The following PSMB7 variants were observed in gnomAD, a reference collection of about 807,000 sequenced individuals.
The protein encoded by PSMB7 is proteasome subunit beta type-7.
A neutral mutation model predicts 28.1 loss-of-function variants in PSMB7; 5 were observed. The ratio of observed to expected loss-of-function variants is 0.18; its 90% confidence interval spans 0.09 to 0.37. The LOEUF is 0.37. PSMB7 is among the 10% of genes least tolerant of loss of function. The pLI, the probability that PSMB7 is intolerant of heterozygous loss-of-function variation, is 1.00. For missense variants in PSMB7, 275 were observed against 346.2 expected (o/e 0.79, Z 1.63); for synonymous variants, 122 against 123.7 (o/e 0.99, Z 0.09).
At chr9:124,396,792 A>T in intron 5 of PSMB7, 2 of 471,364 alleles carry the variant, frequency 4.2e-6, no homozygotes, top group South Asian at 3.1e-5. Flanking sequence ...GCTAATAGCA[A>T]AAGATGGTCC....
At chr9:124,403,617 AT>A (rs1830934322) in intron 5 of PSMB7, among the ~76,000 whole-genome samples, 1 of 152,116 alleles carries the variant, frequency 6.6e-6, no homozygotes, top group Non-Finnish European at 1.5e-5. Flanking sequence ...AATAACTACT[AT>A]TTACAGGCCA....
At chr9:124,397,811 C>T (rs1830857275) in intron 5 of PSMB7, among the ~76,000 whole-genome samples, 1 of 152,148 alleles carries the variant, frequency 6.6e-6, no homozygotes. Context: ...TTAGGAGGAC[C>T]TTCTATTTTA....
At chr9:124,368,669 T>C (rs1473065167) in intron 6 of PSMB7, among the ~76,000 whole-genome samples, 1 of 152,250 alleles carries the variant, frequency 6.6e-6, no homozygotes, top group Non-Finnish European at 1.5e-5. Context: ...ATTGTAAATC[T>C]TAACTGAAAC....
At chr9:124,375,709 G>A (rs1369977307) in intron 6 of PSMB7, among the ~76,000 whole-genome samples, 1 of 152,194 alleles carries the variant, frequency 6.6e-6, no homozygotes, top group Non-Finnish European at 1.5e-5. Flanking sequence ...AGTTATCGAA[G>A]GTCGAGGTTT....
At chr9:124,405,295 A>T (rs1427642314) in intron 5 of PSMB7, 22 bp downstream of exon 5, 1 of 1,523,786 alleles carries the variant, frequency 6.6e-7, no homozygotes, top group South Asian at 1.1e-5. Context: ...ACTCTTAAAC[A>T]TCAGGAAAAC....
At position 124,414,915 on chromosome 9, in the gene PSMB7, T is replaced by A. The variant is rs183110081; in HGVS notation, c.83A>T (p.Asp28Val). Residue 28 changes from aspartate to valine, a missense_variant, in exon 2 of 8, where the codon GAT (aspartate) becomes GTT (valine). Around this residue, in one of 2 missense-constraint regions of PSMB7, gnomAD observed 62 missense variants for 43.9 expected, o/e 1.41. Coordinates refer to ENST00000259457, the MANE Select transcript of PSMB7 (RefSeq NM_002799.4). ...NCRRNAVLEADFAKRGYKLPK... is the reference protein window; with the variant it reads ...NCRRNAVLEAVFAKRGYKLPK... ...AAGCTTGTATCCCCTCTTTGCAAAA[T>A]CGGCTTCCAAGACGGCATTCCTAAG... 42 of 1,612,968 alleles carry A rather than the reference T, an allele frequency of 2.6e-5. No individual in the cohort carries two copies. In the East Asian group the frequency reaches 9.4e-4, roughly 36 times the overall value.
At chr9:124,381,589 A>C (rs1347175542) in intron 6 of PSMB7, among the ~76,000 whole-genome samples, 3 of 152,242 alleles carry the variant, frequency 2.0e-5, no homozygotes, top group African/African-American at 7.2e-5. Context: ...AAAGTTATCC[A>C]GGGCTTTTTG....
chr9:124,358,579 CGAG>C (rs1475054077), intron 6 of PSMB7, among the ~76,000 whole-genome samples: 6 of 152,314 alleles, frequency 3.9e-5, no homozygotes, highest in African/African-American at 1.2e-4. Flanking sequence ...GCCTCTTAGA[CGAG>C]GAGCTGGCAG....
Position 124,402,961 on chromosome 9 carries a change from G to T in PSMB7, c.511+2356C>A, listed in dbSNP as rs180905641. On this transcript the variant is annotated intron_variant, in intron 5 of 7. Coordinates refer to ENST00000259457, the MANE Select transcript of PSMB7 (RefSeq NM_002799.4). Reference sequence around the variant, plus strand: ...TGAACATCTGTTATATAAAAACCTTGTAAGAGGCTAGATAACAACACAATG... The same window carrying T: ...TGAACATCTGTTATATAAAAACCTTTTAAGAGGCTAGATAACAACACAATG... 1.0e-3 allele frequency among the ~76,000 whole-genome samples: 153 copies of T among 152,242 alleles called. 1 individual carries two copies. Among genetic ancestry groups the T allele is most frequent in the African/African-American group, 3.5e-3 (144 of 41,526 alleles).
intron 6 of PSMB7, among the ~76,000 whole-genome samples, chr9:124,368,008 A>T (rs1830523930): frequency 6.6e-6 from 1 of 152,256 alleles, no homozygotes; most frequent in South Asian, 2.1e-4. Context: ...GAAATTCAAC[A>T]TATTGCCATA....
At chr9:124,358,545 CCAGTGAAGGTGG>C (rs1830435834) in intron 6 of PSMB7, among the ~76,000 whole-genome samples, 1 of 152,202 alleles carries the variant, frequency 6.6e-6, no homozygotes, top group Non-Finnish European at 1.5e-5. Context: ...TTTCCACAAA[CCAGTGAAGGTGG>C]CAGCAAAGAA....
chr9:124,397,651 A>G (rs145319877), intron 5 of PSMB7, among the ~76,000 whole-genome samples: 121 of 152,354 alleles, frequency 7.9e-4, no homozygotes, highest in Middle Eastern at 3.4e-3. Flanking sequence ...GATTAATTAC[A>G]AAGTTTTGCT....
At chr9:124,412,247 G>A in intron 4 of PSMB7, 105 bp downstream of exon 4, 1 of 1,147,114 alleles carries the variant, frequency 8.7e-7, no homozygotes, top group Non-Finnish European at 1.2e-6. Flanking sequence ...AACAAAATGT[G>A]TATTTCTGAA....
At chr9:124,396,040 G>A (rs1323354606) in intron 5 of PSMB7, among the ~76,000 whole-genome samples, 1 of 152,182 alleles carries the variant, frequency 6.6e-6, no homozygotes, top group African/African-American at 2.4e-5. Flanking sequence ...CCCCAGAGCA[G>A]GCAGAAGAAT....
At chr9:124,407,149 T>C (rs990466933) in intron 4 of PSMB7, among the ~76,000 whole-genome samples, 1 of 152,178 alleles carries the variant, frequency 6.6e-6, no homozygotes, top group African/African-American at 2.4e-5. Flanking sequence ...TGACACATAC[T>C]GAATTTGCCA....
chr9:124,406,715 C>T (rs537921523), intron 4 of PSMB7, among the ~76,000 whole-genome samples: 1 of 151,808 alleles, frequency 6.6e-6, no homozygotes, highest in Non-Finnish European at 1.5e-5. Flanking sequence ...GATAAACTTA[C>T]ACTTCCTCAG....
chr9:124,368,807 C>A (rs557753541), intron 6 of PSMB7, among the ~76,000 whole-genome samples: 7 of 152,238 alleles, frequency 4.6e-5, no homozygotes, highest in Admixed American at 3.3e-4. Context: ...CGTAATGATC[C>A]CTTCAAGTAC....
At chr9:124,411,836 A>C (rs1007260586) in intron 4 of PSMB7, among the ~76,000 whole-genome samples, 1 of 152,326 alleles carries the variant, frequency 6.6e-6, no homozygotes, top group East Asian at 1.9e-4. Flanking sequence ...ATCGTGCATA[A>C]AGCGCTTTAG....
chr9:124,373,126 C>G (rs1830578566), intron 6 of PSMB7, among the ~76,000 whole-genome samples: 1 of 152,200 alleles, frequency 6.6e-6, no homozygotes, highest in African/African-American at 2.4e-5. Flanking sequence ...GGGAACCTTT[C>G]ACCTTCAACA....
Sources: gnomAD v4.1 joint callset for allele counts (sites outside exome capture counted in the v4.1 genomes callset) on GRCh38, gnomAD v4.1.1 for gene constraint, gnomAD v4.1.1 regional missense constraint, MANE v1.5 for transcripts, NCBI Gene and HGNC (gene_info 2026-07-23, HGNC 2026-07-21) for gene names.